The following HDAC9 variants were observed in gnomAD, a reference collection of about 807,000 sequenced individuals.
HDAC9 encodes MEF-2 interacting transcription repressor (MITR) protein.
A neutral mutation model predicts 139.4 loss-of-function variants in HDAC9; 41 were observed. That is an observed-to-expected ratio of 0.29 (90% CI 0.23 to 0.38). The LOEUF (loss-of-function observed/expected upper bound fraction) is 0.38, where lower values mean the gene tolerates loss of function less well. Among genes scored for constraint, HDAC9 ranks in the 10% least tolerant of loss-of-function variants. The pLI is 1.00. For synonymous variants in HDAC9, 517 were observed against 476.2 expected, an observed-to-expected ratio of 1.09 and a Z score of -1.12; for missense variants, 1,147 against 1,297.0, an observed-to-expected ratio of 0.88 and a Z score of 1.78.
chr7:18,723,228 A>C (rs1470982694), intron 12 of HDAC9, among the ~76,000 whole-genome samples: 1 of 152,134 alleles, frequency 6.6e-6, no homozygotes, highest in Non-Finnish European at 1.5e-5. Flanking sequence ...TTTTATATAT[A>C]TCTCTCTCCT....
chr7:18,811,130 G>A (rs1562957861), intron 17 of HDAC9, among the ~76,000 whole-genome samples: 1 of 151,536 alleles, frequency 6.6e-6, no homozygotes, highest in Admixed American at 6.6e-5. Flanking sequence ...GTGGTAATTT[G>A]TGCCTACATT....
chr7:18,977,177 A>G (rs1784599500), intron 25 of HDAC9, among the ~76,000 whole-genome samples: 1 of 152,218 alleles, frequency 6.6e-6, no homozygotes, highest in South Asian at 2.1e-4. Flanking sequence ...AGCATAAGGG[A>G]AAACTTACTT....
At chr7:18,481,111 G>A (rs1795514362) in intron 1 of HDAC9, among the ~76,000 whole-genome samples, 1 of 152,028 alleles carries the variant, frequency 6.6e-6, no homozygotes, top group African/African-American at 2.4e-5. Flanking sequence ...GGCGGCTTCT[G>A]GCCAAGCTGA....
At chr7:18,919,118 T>A (rs562618622) in intron 22 of HDAC9, among the ~76,000 whole-genome samples, 1 of 152,102 alleles carries the variant, frequency 6.6e-6, no homozygotes, top group Non-Finnish European at 1.5e-5. Context: ...GAATAGCCAA[T>A]GCACTTCAAG....
chr7:18,104,162 C>A (rs1364277858), intron 1 of HDAC9, among the ~76,000 whole-genome samples: 1 of 152,128 alleles, frequency 6.6e-6, no homozygotes, highest in Non-Finnish European at 1.5e-5. Context: ...GCTAGGAAGT[C>A]ATTTTTTCTT....
intron 2 of HDAC9, among the ~76,000 whole-genome samples, chr7:18,182,522 T>C (rs1025317514): frequency 1.4e-4 from 21 of 152,200 alleles, no homozygotes; most frequent in African/African-American, 4.6e-4. Context: ...GTGAGACATA[T>C]TGATGGAAAA....
chr7:18,576,347 C>A (rs932097276), intron 2 of HDAC9, among the ~76,000 whole-genome samples: 3 of 152,102 alleles, frequency 2.0e-5, no homozygotes, highest in African/African-American at 4.8e-5. Context: ...GGCAGAGAGA[C>A]CTTGATGGCT....
chr7:18,297,798 T>G (rs1562849279), intron 1 of HDAC9, among the ~76,000 whole-genome samples: 1 of 152,192 alleles, frequency 6.6e-6, no homozygotes, highest in Non-Finnish European at 1.5e-5. Context: ...CCATTCTCCT[T>G]TTTGTTAGTT....
At chr7:18,734,208 T>C (rs1786667595) in intron 13 of HDAC9, among the ~76,000 whole-genome samples, 1 of 152,186 alleles carries the variant, frequency 6.6e-6, no homozygotes, top group Non-Finnish European at 1.5e-5. Context: ...ATCATTATTA[T>C]ATATTATAGT....
At chr7:18,345,911 C>T (rs181341176) in intron 1 of HDAC9, among the ~76,000 whole-genome samples, 1 of 151,988 alleles carries the variant, frequency 6.6e-6, no homozygotes, top group East Asian at 1.9e-4. Context: ...CTGTCTGTTT[C>T]TCTTCAAGGA....
intron 22 of HDAC9, among the ~76,000 whole-genome samples, chr7:18,920,090 T>A (rs1357391886): frequency 6.6e-6 from 1 of 152,178 alleles, no homozygotes; most frequent in South Asian, 2.1e-4. Context: ...CCTTGGGCAG[T>A]ATGGCCATTT....
chr7:18,401,201 T>C (rs1027446869), intron 1 of HDAC9, among the ~76,000 whole-genome samples: 1 of 152,200 alleles, frequency 6.6e-6, no homozygotes, highest in African/African-American at 2.4e-5. Flanking sequence ...ATAATTGTGA[T>C]ATTACAGCTA....
At chr7:18,909,079 T>C (rs757215193) in intron 22 of HDAC9, among the ~76,000 whole-genome samples, 19 of 152,100 alleles carry the variant, frequency 1.2e-4, no homozygotes, top group Admixed American at 2.6e-4. Flanking sequence ...TTTTTCATAA[T>C]AGCCATTCTA....
intron 2 of HDAC9, 124 bp downstream of exon 2, chr7:18,496,448 C>G: frequency 1.3e-6 from 1 of 785,248 alleles, no homozygotes; most frequent in Non-Finnish European, 2.1e-6. Context: ...TTGCTATTTT[C>G]TTGGTGCGTC....
At chr7:18,557,701 T>TTATTTTTAAAATTATAATTAATTAAAA (rs1819289978) in intron 2 of HDAC9, among the ~76,000 whole-genome samples, 1 of 148,364 alleles carries the variant, frequency 6.7e-6, no homozygotes, top group African/African-American at 2.5e-5. Flanking sequence ...AAATATATTT[T>TTATTTTTAAAATTATAATTAATTAAAA]ATATTGTAAA....
chr7:18,965,975 G>T (rs1783818126), intron 24 of HDAC9, among the ~76,000 whole-genome samples: 1 of 152,134 alleles, frequency 6.6e-6, no homozygotes, highest in Non-Finnish European at 1.5e-5. Context: ...TATGTCTGTT[G>T]TCTCAACATC....
intron 12 of HDAC9, among the ~76,000 whole-genome samples, chr7:18,695,636 G>A (rs1009701622): frequency 2.0e-5 from 3 of 152,160 alleles, no homozygotes; most frequent in Non-Finnish European, 2.9e-5. Context: ...GTTTGACCTT[G>A]ATGTCAGGTT....
At chr7:18,185,277 A>G (rs920269105) in intron 2 of HDAC9, among the ~76,000 whole-genome samples, 11 of 152,210 alleles carry the variant, frequency 7.2e-5, no homozygotes, top group Non-Finnish European at 1.5e-4. Flanking sequence ...GAAAACCAAA[A>G]GTCTGAACCA....
At chr7:18,852,795 G>A (rs1475093342) in intron 21 of HDAC9, among the ~76,000 whole-genome samples, 1 of 151,828 alleles carries the variant, frequency 6.6e-6, no homozygotes, top group African/African-American at 2.4e-5. Context: ...AATTCAACTG[G>A]GATACATTTT....
Sources: allele counts gnomAD v4.1 joint callset (sites outside exome capture counted in the v4.1 genomes callset), GRCh38; gene constraint gnomAD v4.1.1; transcripts MANE v1.5; gene names NCBI Gene and HGNC (gene_info 2026-07-23, HGNC 2026-07-21).